The following PPP2R5C variants were observed in gnomAD, a reference collection of about 807,000 sequenced individuals.
PPP2R5C encodes the protein serine/threonine-protein phosphatase 2A 56 kDa regulatory subunit gamma isoform.
PPP2R5C carries 7 observed loss-of-function variants against 68.9 expected under a neutral mutation model. The ratio of observed to expected loss-of-function variants is 0.10; its 90% CI spans 0.06 to 0.19. PPP2R5C has a LOEUF of 0.19. Ranked by LOEUF, PPP2R5C falls within the 10% of genes least tolerant of loss-of-function variation. The probability of loss-of-function intolerance (pLI) is 1.00; values close to 1 mark genes in which losing one functional copy is unlikely to be tolerated. For synonymous variants in PPP2R5C, 210 were observed against 222.2 expected (o/e 0.95, Z 0.49); for missense variants, 348 against 641.3 (o/e 0.54, Z 4.94).
At chr14:101,887,163 C>T (rs1329311990) in intron 5 of PPP2R5C, among the ~76,000 whole-genome samples, 2 of 152,236 alleles carry the variant, frequency 1.3e-5, no homozygotes, top group South Asian at 4.1e-4. Flanking sequence ...TCATTACCGT[C>T]AGCTTAAGTG....
intron 1 of PPP2R5C, among the ~76,000 whole-genome samples, chr14:101,849,925 C>G (rs1213106245): frequency 6.6e-6 from 1 of 152,202 alleles, no homozygotes; most frequent in African/African-American, 2.4e-5. Context: ...ACAGCAAGTC[C>G]TCCAGCTTGG....
chr14:101,863,878 C>T (rs1054957737), intron 2 of PPP2R5C, among the ~76,000 whole-genome samples: 4 of 152,198 alleles, frequency 2.6e-5, no homozygotes, highest in Non-Finnish European at 5.9e-5. Context: ...AGCCTGCGCA[C>T]CACAGAATAA....
At chr14:101,771,233 G>GTGTGTA (rs2139971783) in intron 2 of PPP2R5C, among the ~76,000 whole-genome samples, 1 of 109,290 alleles carries the variant, frequency 9.1e-6, no homozygotes, top group Admixed American at 9.1e-5. Flanking sequence ...GTGTGTGTGT[G>GTGTGTA]TGTGTGTGTG....
At chr14:101,768,899 A>G (rs1595111625) in intron 2 of PPP2R5C, among the ~76,000 whole-genome samples, 1 of 148,532 alleles carries the variant, frequency 6.7e-6, no homozygotes, top group African/African-American at 2.5e-5. Flanking sequence ...ATCTCCGCTC[A>G]CTGCCAGCTC....
chr14:101,762,806 G>A, intron 1 of PPP2R5C, 99 bp from the exon 2 acceptor site: 1 of 938,770 alleles, frequency 1.1e-6, no homozygotes, highest in Non-Finnish European at 1.7e-6. Context: ...ATCAGAAGCT[G>A]TAGTTGTATA....
rs947432171 is a variant in PPP2R5C, at chr14:101,781,763, T to C, written c.94-4255T>C. 6.6e-6 allele frequency among the ~76,000 whole-genome samples: 1 copy of C among 151,818 alleles called. No homozygotes were observed. The highest frequency in any genetic ancestry group is 2.4e-5 in the African/African-American group (1 of 41,306). ...GAGGACGCCGATCTGGCCTCCTGCG[T>C]TGCGCGCTCCAACCCTCTGCTTGGC... On this transcript the variant is annotated intron_variant, in intron 2 of 14. Transcript: ENST00000328724. The surrounding 1 kb of genome is among the most constrained non-coding windows in gnomAD (Gnocchi z 6.4).
rs144504376 is a variant in PPP2R5C at position 101,853,521 on chromosome 14, A to C, written c.95-3165A>C. ...TGCTTTTGTGTTTGAATGACAACTTAGTCTTTTATTCTGAGTATCAGTTAC... is the reference window on the plus strand; with the variant it reads ...TGCTTTTGTGTTTGAATGACAACTTCGTCTTTTATTCTGAGTATCAGTTAC... On this transcript the variant is annotated intron_variant, in intron 1 of 13. Transcript: ENST00000334743. 7.8e-3 allele frequency among the ~76,000 whole-genome samples: 1,193 copies of C among 152,278 alleles called. 14 individuals are homozygous for C. The highest frequency in any genetic ancestry group is 0.028 in the African/African-American group (1,148 of 41,544).
intron 1 of PPP2R5C, among the ~76,000 whole-genome samples, chr14:101,854,720 C>G (rs2042323465): frequency 6.6e-6 from 1 of 152,216 alleles, no homozygotes; most frequent in African/African-American, 2.4e-5. Context: ...CTAAAAAACT[C>G]TGCAGGACGT....
intron 1 of PPP2R5C, among the ~76,000 whole-genome samples, chr14:101,813,867 G>A (rs1210646181): frequency 2.6e-5 from 4 of 152,144 alleles, no homozygotes; most frequent in Non-Finnish European, 5.9e-5. Context: ...GAAGTCTAAT[G>A]GAAAAGTTTA....
intron 2 of PPP2R5C, among the ~76,000 whole-genome samples, chr14:101,860,059 T>G (rs1595395190): frequency 6.6e-6 from 1 of 152,134 alleles, no homozygotes; most frequent in South Asian, 2.1e-4. Context: ...AGCCTAGAAT[T>G]CACCCATTTA....
In PPP2R5C at chr14:101,841,687, G is replaced by A. The variant is rs187825321; in HGVS notation, c.95-14999G>A. ...CCTTCCAGTCGCAGACACAAAAGCC[G>A]TAGAGAGTAAGGCAGAGGATCGGCC... On this transcript the variant is annotated intron_variant, in intron 1 of 13. Transcript: ENST00000334743. 5.3e-5 allele frequency among the ~76,000 whole-genome samples: 8 copies of A among 152,324 alleles called. No homozygotes were observed. In the East Asian group the frequency reaches 1.2e-3, roughly 22 times the overall value.
chr14:101,871,683 G>A (rs964075579), intron 2 of PPP2R5C, among the ~76,000 whole-genome samples: 1 of 138,022 alleles, frequency 7.2e-6, no homozygotes, highest in African/African-American at 3.2e-5. Flanking sequence ...CCTGTTTATC[G>A]TTTCTCTTCT....
chr14:101,790,818 C>A (rs1354368009), intron 3 of PPP2R5C, among the ~76,000 whole-genome samples: 1 of 152,212 alleles, frequency 6.6e-6, no homozygotes, highest in East Asian at 1.9e-4. Flanking sequence ...CCGTGGCTCA[C>A]GCCTGTAATC....
intron 1 of PPP2R5C, 30 bp from the exon 2 acceptor site, chr14:101,762,875 G>GACTATAT: frequency 6.4e-7 from 1 of 1,558,428 alleles, no homozygotes; most frequent in Non-Finnish European, 8.7e-7. Flanking sequence ...AAAGTGAGAA[G>GACTATAT]ACTAATTGAC....
At chr14:101,848,636 G>A (rs749646463) in intron 1 of PPP2R5C, among the ~76,000 whole-genome samples, 1 of 152,142 alleles carries the variant, frequency 6.6e-6, no homozygotes, top group Non-Finnish European at 1.5e-5. Context: ...AGAGGTCGTC[G>A]GTGTTGACGC....
intron 2 of PPP2R5C, among the ~76,000 whole-genome samples, chr14:101,865,502 C>T (rs1480411273): frequency 6.6e-6 from 1 of 152,196 alleles, no homozygotes; most frequent in Non-Finnish European, 1.5e-5. Flanking sequence ...ATGTGCCCAC[C>T]AAACCATGCG....
At chr14:101,796,991 T>C (rs1054633159) in intron 3 of PPP2R5C, 1 of 367,444 alleles carries the variant, frequency 2.7e-6, no homozygotes, top group Non-Finnish European at 5.5e-6. Flanking sequence ...AACTCGGTGG[T>C]ATTAGATACA....
chr14:101,924,844 C>T (rs59784377), intron 13 of PPP2R5C, among the ~76,000 whole-genome samples: 29,695 of 152,052 alleles, frequency 0.2, 4,691 homozygotes, highest in African/African-American at 0.43. Context: ...TACTAAAATG[C>T]ATGAATTCTG....
chr14:101,870,487 G>T (rs2043332577), intron 2 of PPP2R5C, among the ~76,000 whole-genome samples: 1 of 152,114 alleles, frequency 6.6e-6, no homozygotes, highest in Non-Finnish European at 1.5e-5. Flanking sequence ...TCTTCTTCTG[G>T]ACTCTGTCCT....
Sources: gnomAD v4.1 joint callset for allele counts (sites outside exome capture counted in the v4.1 genomes callset) on GRCh38, gnomAD v4.1.1 for gene constraint, Gnocchi (gnomAD v3.1) non-coding constraint, MANE v1.5 for transcripts, NCBI Gene and HGNC (gene_info 2026-07-23, HGNC 2026-07-21) for gene names.